Variants in FBXL7 observed in about 807,000 individuals in gnomAD.
FBXL7 encodes F-box and leucine rich repeat protein 7.
A neutral mutation model predicts 38.3 loss-of-function variants in FBXL7; 12 were observed. The observed-to-expected ratio is 0.31, with a 90% CI of 0.20 to 0.51. The LOEUF is 0.51. Among genes scored for constraint, FBXL7 ranks in the 20% least tolerant of loss-of-function variants. FBXL7 has a pLI of 0.98. For synonymous variants in FBXL7, 297 were observed against 300.9 expected (o/e 0.99, Z 0.13); for missense variants, 567 against 676.4 (o/e 0.84, Z 1.79).
At chr5:15,583,044 A>C (rs765955652) in intron 1 of FBXL7, among the ~76,000 whole-genome samples, 6 of 151,924 alleles carry the variant, frequency 3.9e-5, no homozygotes, top group Non-Finnish European at 8.8e-5. Flanking sequence ...ATTAATTCAC[A>C]CTTCAGTATG....
At chr5:15,704,298 A>G (rs1743615801) in intron 2 of FBXL7, among the ~76,000 whole-genome samples, 1 of 152,212 alleles carries the variant, frequency 6.6e-6, no homozygotes, top group African/African-American at 2.4e-5. Context: ...AAATTGCCAC[A>G]AAGACCTCCC....
rs71603796 is a variant in FBXL7, at chr5:15,707,174, G to GTTTTTTTTTTTTTTTT, written c.127+91110_127+91125dup. On this transcript the variant is annotated intron_variant, in intron 2 of 3. Transcript: ENST00000504595. Reference sequence around the variant, plus strand: ...AGGTAGTGTTTCTTTTTTTCTTTTCGTTTTTTTTTTTTTTTTTTTTTTTGC... The same window carrying GTTTTTTTTTTTTTTTT: ...AGGTAGTGTTTCTTTTTTTCTTTTCGTTTTTTTTTTTTTTTTTTTTTTTTTTTTTTTTTTTTTTTGC... Among the ~76,000 whole-genome samples the GTTTTTTTTTTTTTTTT allele has an allele frequency of 4.5e-4, 32 of 70,402 alleles. 1 individual carries two copies. The highest frequency in any genetic ancestry group is 5.9e-4 in the Non-Finnish European group (24 of 40,974). 46.2% of individuals were successfully genotyped at this position (70,402 alleles called of 152,430 possible). A position where few individuals can be genotyped will look rare whatever the true frequency, so the allele number is the denominator to read the frequency against.
chr5:15,822,281 G>A (rs996355943), intron 2 of FBXL7, among the ~76,000 whole-genome samples: 1 of 151,858 alleles, frequency 6.6e-6, no homozygotes, highest in Non-Finnish European at 1.5e-5. Context: ...AGAATCGCTT[G>A]AACCCAGGAG....
chr5:15,742,999 A>G (rs1365596138), intron 2 of FBXL7, among the ~76,000 whole-genome samples: 1 of 152,148 alleles, frequency 6.6e-6, no homozygotes, highest in African/African-American at 2.4e-5. Context: ...AATCGCCACC[A>G]TGATTCAGTT....
chr5:15,711,108 T>C (rs1327449488), intron 2 of FBXL7, among the ~76,000 whole-genome samples: 1 of 152,240 alleles, frequency 6.6e-6, no homozygotes, highest in Non-Finnish European at 1.5e-5. Context: ...TTTCACCTTC[T>C]GCCATGATTG....
chr5:15,879,352 C>T (rs1579560591), intron 2 of FBXL7, among the ~76,000 whole-genome samples: 1 of 152,252 alleles, frequency 6.6e-6, no homozygotes, highest in South Asian at 2.1e-4. Context: ...ATAGCCTCTG[C>T]TTGCCCTCCA....
intron 2 of FBXL7, among the ~76,000 whole-genome samples, chr5:15,730,023 G>A (rs1230671880): frequency 6.6e-6 from 1 of 152,124 alleles, no homozygotes; most frequent in African/African-American, 2.4e-5. Context: ...ACAAATACAT[G>A]CTTTAAAAAA....
At chr5:15,775,477 C>T (rs1215079525) in intron 2 of FBXL7, among the ~76,000 whole-genome samples, 3 of 152,016 alleles carry the variant, frequency 2.0e-5, no homozygotes, top group Non-Finnish European at 4.4e-5. Context: ...AAGCTTCATC[C>T]CACCCCATGA....
chr5:15,655,509 A>C (rs958167642), intron 2 of FBXL7, among the ~76,000 whole-genome samples: 1 of 152,054 alleles, frequency 6.6e-6, no homozygotes, highest in Non-Finnish European at 1.5e-5. Flanking sequence ...AAAAAAAAGA[A>C]AAGAAAAGAG....
chr5:15,501,860 A>ATG (rs919218470), intron 1 of FBXL7: 3 of 347,948 alleles, frequency 8.6e-6, no homozygotes, highest in East Asian at 1.8e-4. Flanking sequence ...CCATATGTGC[A>ATG]TGTGTATGTG....
intron 2 of FBXL7, among the ~76,000 whole-genome samples, chr5:15,767,894 A>T (rs1736630424): frequency 6.6e-6 from 1 of 152,206 alleles, no homozygotes; most frequent in Non-Finnish European, 1.5e-5. Context: ...GGTGTGCATT[A>T]TGGTAAGAAA....
intron 1 of FBXL7, among the ~76,000 whole-genome samples, chr5:15,562,006 GCCA>G (rs1434727503): frequency 6.6e-6 from 1 of 151,872 alleles, no homozygotes; most frequent in Non-Finnish European, 1.5e-5. Flanking sequence ...CTTGGATAAG[GCCA>G]CCAAGATAAT....
intron 1 of FBXL7, among the ~76,000 whole-genome samples, chr5:15,532,401 G>T (rs927485693): frequency 3.9e-5 from 6 of 152,188 alleles, no homozygotes; most frequent in Admixed American, 6.5e-5. Context: ...TCTTTCAACC[G>T]CATCTGTTAT....
intron 2 of FBXL7, among the ~76,000 whole-genome samples, chr5:15,778,755 C>A (rs777829601): frequency 6.6e-6 from 1 of 152,094 alleles, no homozygotes; most frequent in Non-Finnish European, 1.5e-5. Flanking sequence ...CTCCCGCTAG[C>A]TTTCTTATCC....
chr5:15,733,602 A>G (rs1579417698), intron 2 of FBXL7, among the ~76,000 whole-genome samples: 1 of 152,258 alleles, frequency 6.6e-6, no homozygotes. Context: ...AGGCCTATAA[A>G]AGGGGCAGAG....
At chr5:15,505,847 TG>T in intron 1 of FBXL7, among the ~76,000 whole-genome samples, 1 of 152,270 alleles carries the variant, frequency 6.6e-6, no homozygotes, top group Non-Finnish European at 1.5e-5. Flanking sequence ...CCACATCCGC[TG>T]GGGATGAATT....
In FBXL7 at chr5:15,906,477, AATT is replaced by A. The variant is rs1353865941; in HGVS notation, c.128-21406_128-21404del. Among the ~76,000 whole-genome samples the A allele has an allele frequency of 3.4e-5, 5 of 148,500 alleles. 1 individual carries two copies. The highest frequency in any genetic ancestry group is 1.3e-4 in the African/African-American group (5 of 39,790). ...TTTTATGTAACATGTATTTTACCATAATTATTATTTTTTAGTTGTTCAGGATCC... is the reference window on the plus strand; with the variant it reads ...TTTTATGTAACATGTATTTTACCATAATTATTTTTTAGTTGTTCAGGATCC... On this transcript the variant is annotated intron_variant, in intron 2 of 3. Transcript: ENST00000504595.
chr5:15,921,354 C>A lies in FBXL7; in HGVS notation c.128-6536C>A, dbSNP rs377018221. Among the ~76,000 whole-genome samples the A allele has an allele frequency of 5.5e-5, 8 of 144,190 alleles. No homozygotes were observed. In the South Asian group the frequency reaches 1.1e-3, roughly 20 times the overall value. The allele number at this position is 144,190 out of a possible 152,430, so 94.6% of individuals were successfully genotyped here. A position where few individuals can be genotyped will look rare whatever the true frequency, so the allele number is the denominator to read the frequency against. ...TGAGATGGCACCATTGCACTCCAGC[C>A]TGGGTGACAGAACAAGACTCCATCT... On this transcript the variant is annotated intron_variant, in intron 2 of 3. Transcript: ENST00000504595.
At chr5:15,871,548 A>C (rs1739964825) in intron 2 of FBXL7, among the ~76,000 whole-genome samples, 1 of 152,170 alleles carries the variant, frequency 6.6e-6, no homozygotes, top group African/African-American at 2.4e-5. Context: ...GAAGCTAAGA[A>C]CCTTGATAAA....
Sources: gnomAD v4.1 joint callset for allele counts (sites outside exome capture counted in the v4.1 genomes callset) on GRCh38, gnomAD v4.1.1 for gene constraint, MANE v1.5 for transcripts, NCBI Gene and HGNC (gene_info 2026-07-23, HGNC 2026-07-21) for gene names.